The following PDE1A variants were observed in gnomAD, a reference collection of about 807,000 sequenced individuals.
PDE1A encodes phosphodiesterase 1A.
PDE1A carries 35 observed loss-of-function variants against 61.7 expected under a neutral mutation model. The observed-to-expected ratio is 0.57, with a 90% confidence interval of 0.43 to 0.75. The LOEUF is 0.75. PDE1A is among the 30% of genes least tolerant of loss of function. The pLI, the probability that PDE1A is intolerant of heterozygous loss-of-function variation, is 0.00. For synonymous variants in PDE1A, 232 were observed against 213.2 expected, an observed-to-expected ratio of 1.09 and a Z score of -0.77; for missense variants, 597 against 630.6, an observed-to-expected ratio of 0.95 and a Z score of 0.57.
chr2:182,256,377 T>G (rs996330767), intron 2 of PDE1A, among the ~76,000 whole-genome samples: 6 of 151,654 alleles, frequency 4.0e-5, no homozygotes, highest in African/African-American at 1.5e-4. Context: ...AGAATGATGG[T>G]TTCCAATTTC....
At chr2:182,526,753 C>G (rs1055246536), upstream of PDE1A, among the ~76,000 whole-genome samples, 2 of 152,088 alleles carry the variant, frequency 1.3e-5, no homozygotes, top group African/African-American at 4.8e-5. Context: ...GGAATGAATC[C>G]TGAAACACAC....
At chr2:182,164,957 C>T (rs1363628085), downstream of PDE1A, among the ~76,000 whole-genome samples, 1 of 151,848 alleles carries the variant, frequency 6.6e-6, no homozygotes, top group Admixed American at 6.6e-5. Flanking sequence ...ATTCACTTCA[C>T]AGGGAAAAAG....
rs139551536 is a variant in PDE1A, at chr2:182,373,447, T to C, written c.53+53131A>G. On this transcript the variant is annotated intron_variant, in intron 1 of 13. Transcript: ENST00000351439. ...AACCACATATCTTAGGTTCAAAAACTGGAAAAACTTAATCATTAAGTGATT... is the reference window on the plus strand; with the variant it reads ...AACCACATATCTTAGGTTCAAAAACCGGAAAAACTTAATCATTAAGTGATT... Among the ~76,000 whole-genome samples the C allele has an allele frequency of 1.1e-4, 16 of 152,274 alleles. No individual in the cohort carries two copies. In the East Asian group the frequency reaches 3.1e-3, roughly 29 times the overall value.
At chr2:182,167,775 G>T, downstream of PDE1A, 1 of 417,820 alleles carries the variant, frequency 2.4e-6, no homozygotes, top group Non-Finnish European at 3.2e-6. Flanking sequence ...ATATAAACAT[G>T]TTTTCAAAGA....
upstream of PDE1A, among the ~76,000 whole-genome samples, chr2:182,431,250 C>T (rs1011483975): frequency 2.0e-5 from 3 of 151,912 alleles, no homozygotes; most frequent in Non-Finnish European, 2.9e-5. Context: ...TTAGTTGTTG[C>T]CAATCTTTTC....
intron 7 of PDE1A, among the ~76,000 whole-genome samples, 162 bp downstream of exon 7, chr2:182,223,698 GTAGT>G (rs1410542527): frequency 6.6e-6 from 1 of 151,892 alleles, no homozygotes; most frequent in African/African-American, 2.4e-5. Context: ...TTAAAAAATA[GTAGT>G]TAATTGATTC....
the PDE1A span, among the ~76,000 whole-genome samples, chr2:182,533,812 C>T: frequency 6.6e-6 from 1 of 151,896 alleles, no homozygotes; most frequent in Non-Finnish European, 1.5e-5. Flanking sequence ...ATTTGAGCTC[C>T]ATGGATATGG....
At chr2:182,673,600 ATAAG>A in the PDE1A span, among the ~76,000 whole-genome samples, 6 of 152,112 alleles carry the variant, frequency 3.9e-5, no homozygotes, top group Admixed American at 3.3e-4. Context: ...AACATTTTAA[ATAAG>A]TAATTTTTTA....
downstream of PDE1A, chr2:182,142,802 T>G (rs1690291567): frequency 6.6e-6 from 1 of 152,192 alleles, no homozygotes; most frequent in Non-Finnish European, 1.5e-5. Context: ...TTATCTGGCT[T>G]GATTGAAGAA....
At chr2:182,550,636 C>T in the PDE1A span, among the ~76,000 whole-genome samples, 1 of 152,166 alleles carries the variant, frequency 6.6e-6, no homozygotes, top group East Asian at 1.9e-4. Flanking sequence ...TTGTATTATT[C>T]AGGATGCCCT....
the PDE1A span, among the ~76,000 whole-genome samples, chr2:182,707,944 G>A: frequency 6.6e-6 from 1 of 152,196 alleles, no homozygotes; most frequent in Admixed American, 6.5e-5. Flanking sequence ...ATGTCCTATG[G>A]CACTGTAGAG....
the PDE1A span, among the ~76,000 whole-genome samples, chr2:182,635,204 C>CT: frequency 2.0e-5 from 3 of 151,092 alleles, no homozygotes; most frequent in Non-Finnish European, 2.9e-5. Flanking sequence ...TTTGATGTTG[C>CT]TTTTAATACC....
At chr2:182,603,863 T>A in the PDE1A span, among the ~76,000 whole-genome samples, 1 of 152,176 alleles carries the variant, frequency 6.6e-6, no homozygotes, top group Non-Finnish European at 1.5e-5. Context: ...ATTTTAAAAT[T>A]GCAGCAATTT....
chr2:182,236,640 C>G (rs1690043240), intron 3 of PDE1A, among the ~76,000 whole-genome samples: 1 of 152,068 alleles, frequency 6.6e-6, no homozygotes, highest in South Asian at 2.1e-4. Context: ...TAATTATAAG[C>G]TTTTTGTGTA....
At chr2:182,167,840 T>A (rs77293408), downstream of PDE1A, 182 of 880,302 alleles carry the variant, frequency 2.1e-4, no homozygotes, top group Non-Finnish European at 2.4e-4. Flanking sequence ...TTTTTTTTTT[T>A]AATTTGCACT....
chr2:182,705,971 C>G, the PDE1A span, among the ~76,000 whole-genome samples: 1 of 152,178 alleles, frequency 6.6e-6, no homozygotes, highest in African/African-American at 2.4e-5. Flanking sequence ...AGGAGACATA[C>G]AAGATTTTGT....
At chr2:182,593,663 C>T in the PDE1A span, among the ~76,000 whole-genome samples, 1 of 152,160 alleles carries the variant, frequency 6.6e-6, no homozygotes, top group South Asian at 2.1e-4. Flanking sequence ...GACTAATTTA[C>T]TTTTGCAGAC....
Position 182,407,385 on chromosome 2 carries a change from T to A in PDE1A, c.53+19193A>T, listed in dbSNP as rs180997204. ...TCCTTCAACATACTTTATTATTATT[T>A]TTTTTTTATTTTTTGAGATGGAGTC... On this transcript the variant is annotated intron_variant, in intron 1 of 13. Coordinates refer to ENST00000351439, the Ensembl canonical transcript of PDE1A. Among the ~76,000 whole-genome samples, 360 of 152,250 alleles carry A rather than the reference T, an allele frequency of 2.4e-3. 2 individuals carry two copies. The highest frequency in any genetic ancestry group is 0.013 in the South Asian group (65 of 4,822).
At chr2:182,264,445 G>C (rs750764282) in intron 1 of PDE1A, 31 bp from the exon 2 acceptor site, 4 of 1,499,328 alleles carry the variant, frequency 2.7e-6, no homozygotes, top group Admixed American at 1.7e-5. Flanking sequence ...AAGAGAGAAA[G>C]AGCAAGGAAT....
Sources: gnomAD v4.1 joint callset for allele counts (sites outside exome capture counted in the v4.1 genomes callset) on GRCh38, gnomAD v4.1.1 for gene constraint, MANE v1.5 for transcripts, NCBI Gene and HGNC (gene_info 2026-07-23, HGNC 2026-07-21) for gene names.